MGAT4C: variants seen among roughly 807,000 people sequenced by gnomAD.
MGAT4C encodes alpha-1,3-mannosyl-glycoprotein 4-beta-N-acetylglucosaminyltransferase C.
MGAT4C carries 19 observed loss-of-function variants against 40.1 expected under a neutral mutation model. The observed-to-expected ratio is 0.47, with a 90% confidence interval of 0.33 to 0.70. The LOEUF (loss-of-function observed/expected upper bound fraction) is 0.70. Among genes scored for constraint, MGAT4C ranks in the 30% least tolerant of loss-of-function variants. The pLI, the probability that MGAT4C is intolerant of heterozygous loss-of-function variation, is 0.02. For missense variants in MGAT4C, 491 were observed against 563.2 expected, an observed-to-expected ratio of 0.87 and a Z score of 1.30; for synonymous variants, 181 against 187.1, an observed-to-expected ratio of 0.97 and a Z score of 0.27.
At position 86,608,402 on chromosome 12, in the gene MGAT4C, G is replaced by A. The variant is rs117504768; in HGVS notation, c.-229+118807C>T. ...GAGACCAGCCTGGGCAATATAGAAA[G>A]ACTCTGTCACTACAAAAAAATTTAA... is the stretch of plus-strand genomic sequence containing the variant. On this transcript the variant is annotated intron_variant, in intron 2 of 7. Coordinates refer to the MGAT4C transcript ENST00000548651. Among the ~76,000 whole-genome samples, 50 of 152,052 alleles carry A rather than the reference G, an allele frequency of 3.3e-4. No individual in the cohort carries two copies. In the East Asian group the frequency reaches 9.5e-3, roughly 29 times the overall value.
chr12:86,110,298 C>CTATATATATAGTCTATATATATATAG (rs1565996123), intron 1 of MGAT4C, among the ~76,000 whole-genome samples: 59 of 15,650 alleles, frequency 3.8e-3, no homozygotes, highest in East Asian at 5.4e-3. Context: ...TATATAGTCT[C>CTATATATATAGTCTATATATATATAG]TCTATATATA....
intron 2 of MGAT4C, among the ~76,000 whole-genome samples, chr12:86,032,035 TGTTA>T (rs1384728481): frequency 3.9e-5 from 6 of 151,952 alleles, no homozygotes; most frequent in Non-Finnish European, 8.8e-5. Context: ...TCTGCTCTTG[TGTTA>T]GTTCACTTAG....
At chr12:86,118,223 A>G (rs61931159) in intron 1 of MGAT4C, among the ~76,000 whole-genome samples, 11,450 of 152,236 alleles carry the variant, frequency 0.075, 589 homozygotes, top group Middle Eastern at 0.21. Context: ...TGAGCCTTTG[A>G]AGGAGAAATA....
intron 2 of MGAT4C, among the ~76,000 whole-genome samples, chr12:86,515,986 C>T (rs1056867612): frequency 1.3e-5 from 2 of 151,860 alleles, no homozygotes; most frequent in African/African-American, 4.8e-5. Flanking sequence ...CCTCGTGATC[C>T]GCCCACCTCG....
chr12:86,056,872 C>T lies in MGAT4C; in HGVS notation c.-56-7149G>A, dbSNP rs1893453802. Among the ~76,000 whole-genome samples, 3 of 152,078 alleles carry T rather than the reference C, an allele frequency of 2.0e-5. No homozygotes were observed. In the South Asian group the frequency reaches 6.2e-4, roughly 32 times the overall value. Reference sequence around the variant, plus strand: ...ACAGTGTAAAAGCATTCCTATTTCTCCACATCCTCTCCAGCATCTGTTGTT... The same window carrying T: ...ACAGTGTAAAAGCATTCCTATTTCTTCACATCCTCTCCAGCATCTGTTGTT... On this transcript the variant is annotated intron_variant, in intron 1 of 4. Coordinates refer to ENST00000611864, the MANE Select transcript of MGAT4C (RefSeq NM_001351288.2).
At chr12:86,004,720 G>A (rs1031731280) in intron 2 of MGAT4C, among the ~76,000 whole-genome samples, 3 of 152,158 alleles carry the variant, frequency 2.0e-5, no homozygotes, top group Non-Finnish European at 4.4e-5. Flanking sequence ...GTTCTTAAAT[G>A]TCCTATTTTG....
intron 1 of MGAT4C, among the ~76,000 whole-genome samples, chr12:86,117,553 A>G (rs1878634744): frequency 6.6e-6 from 1 of 152,136 alleles, no homozygotes. Context: ...AGATATAGGA[A>G]TGTTAGAATG....
intron 2 of MGAT4C, among the ~76,000 whole-genome samples, chr12:86,026,378 T>C (rs11117160): frequency 0.028 from 4,278 of 151,584 alleles, 91 homozygotes; most frequent in Middle Eastern, 0.068. Context: ...CACACACCTA[T>C]TTAAAAATAA....
chr12:86,698,359 GTT>G (rs1950297387), intron 2 of MGAT4C, among the ~76,000 whole-genome samples: 1 of 151,968 alleles, frequency 6.6e-6, no homozygotes, highest in African/African-American at 2.4e-5. Context: ...GTGTATGTGT[GTT>G]TGTGTGTGTG....
chr12:86,325,232 G>A (rs1044087654), intron 4 of MGAT4C, among the ~76,000 whole-genome samples: 2 of 151,898 alleles, frequency 1.3e-5, no homozygotes, highest in African/African-American at 4.8e-5. Context: ...CCAATACTGA[G>A]GATTATGAAA....
chr12:86,089,998 A>G (rs891674836), intron 1 of MGAT4C, among the ~76,000 whole-genome samples: 4 of 151,534 alleles, frequency 2.6e-5, no homozygotes, highest in Non-Finnish European at 5.9e-5. Flanking sequence ...CTAAAGTTCT[A>G]TTTATCTCTA....
chr12:86,507,914 T>A (rs2136343407), intron 2 of MGAT4C, among the ~76,000 whole-genome samples: 1 of 152,246 alleles, frequency 6.6e-6, no homozygotes, highest in East Asian at 1.9e-4. Flanking sequence ...CCATACAAAT[T>A]TTAGGATTGA....
At chr12:86,805,867 G>C (rs866559646) in intron 1 of MGAT4C, among the ~76,000 whole-genome samples, 15 of 151,920 alleles carry the variant, frequency 9.9e-5, no homozygotes, top group African/African-American at 3.4e-4. Context: ...TTTCCCTGCA[G>C]CCTTGCCAGC....
chr12:86,076,619 G>A (rs1476081484), intron 1 of MGAT4C, among the ~76,000 whole-genome samples: 1 of 152,168 alleles, frequency 6.6e-6, no homozygotes, highest in Non-Finnish European at 1.5e-5. Context: ...GGAGGCAAAA[G>A]CCACTTCTTA....
chr12:86,409,395 T>C (rs1048309101), intron 3 of MGAT4C, among the ~76,000 whole-genome samples: 1 of 152,066 alleles, frequency 6.6e-6, no homozygotes, highest in African/African-American at 2.4e-5. Flanking sequence ...CAAAATGTAG[T>C]CACTAATATT....
At chr12:86,160,022 T>C (rs993580988) in intron 1 of MGAT4C, among the ~76,000 whole-genome samples, 11 of 152,128 alleles carry the variant, frequency 7.2e-5, no homozygotes, top group African/African-American at 2.7e-4. Flanking sequence ...TTATAGATTT[T>C]TACGTCTCAA....
chr12:86,116,634 T>A (rs1878473245), intron 1 of MGAT4C, among the ~76,000 whole-genome samples: 1 of 152,250 alleles, frequency 6.6e-6, no homozygotes, highest in Non-Finnish European at 1.5e-5. Flanking sequence ...AAAAAATTTT[T>A]AACTCAAATT....
At chr12:86,657,101 A>T (rs749518762) in intron 2 of MGAT4C, among the ~76,000 whole-genome samples, 3 of 152,044 alleles carry the variant, frequency 2.0e-5, no homozygotes, top group Non-Finnish European at 1.5e-5. Flanking sequence ...GTTAGAATTC[A>T]CTTGCCATAT....
intron 1 of MGAT4C, among the ~76,000 whole-genome samples, chr12:86,092,593 T>G (rs1873085007): frequency 1.3e-5 from 2 of 152,136 alleles, no homozygotes; most frequent in South Asian, 4.1e-4. Flanking sequence ...GATTTAGTGC[T>G]AAAATTTCAA....
Sources: allele counts gnomAD v4.1 joint callset (sites outside exome capture counted in the v4.1 genomes callset), GRCh38; gene constraint gnomAD v4.1.1; transcripts MANE v1.5; gene names NCBI Gene and HGNC (gene_info 2026-07-23, HGNC 2026-07-21).